Variants in CEP128 observed in about 807,000 individuals in gnomAD.
CEP128 encodes centrosomal protein 128kDa.
Under a neutral mutation model 156.7 loss-of-function variants are expected in CEP128, and 132 were observed. That is an observed-to-expected ratio of 0.84 (90% CI 0.73 to 0.97). The LOEUF is 0.97. CEP128 is among the 50% of genes least tolerant of loss of function. The probability of loss-of-function intolerance (pLI) is 0.00; values close to 1 mark genes in which losing one functional copy is unlikely to be tolerated. For missense variants in CEP128, 1,252 were observed against 1,281.9 expected (o/e 0.98, Z 0.36); for synonymous variants, 469 against 448.9 (o/e 1.04, Z -0.57).
At chr14:80,712,813 C>T (rs1324537260) in intron 19 of CEP128, among the ~76,000 whole-genome samples, 1 of 152,038 alleles carries the variant, frequency 6.6e-6, no homozygotes, top group Non-Finnish European at 1.5e-5. Context: ...TATGGTGAAA[C>T]GAGAAATAAC....
intron 16 of CEP128, among the ~76,000 whole-genome samples, chr14:80,769,002 C>T (rs1443052606): frequency 6.6e-6 from 1 of 152,102 alleles, no homozygotes; most frequent in Non-Finnish European, 1.5e-5. Context: ...TTACATATTT[C>T]TCTCAAGACA....
At chr14:80,484,495 G>C (rs1042665658) in intron 14 of CEP128, among the ~76,000 whole-genome samples, 3 of 152,184 alleles carry the variant, frequency 2.0e-5, no homozygotes, top group Non-Finnish European at 4.4e-5. Flanking sequence ...TAATTATTCT[G>C]TTGGTAAAAG....
chr14:80,681,359 G>C (rs552724103), intron 19 of CEP128, among the ~76,000 whole-genome samples: 1 of 152,140 alleles, frequency 6.6e-6, no homozygotes, highest in African/African-American at 2.4e-5. Flanking sequence ...TGAATGTAGC[G>C]ACACCACCAA....
chr14:80,728,241 C>G (rs1360237489), intron 19 of CEP128, among the ~76,000 whole-genome samples: 1 of 152,152 alleles, frequency 6.6e-6, no homozygotes, highest in Non-Finnish European at 1.5e-5. Flanking sequence ...CTAAATTATC[C>G]TAAGATAATT....
intron 19 of CEP128, among the ~76,000 whole-genome samples, chr14:80,706,547 T>A (rs1276066287): frequency 6.6e-6 from 1 of 152,130 alleles, no homozygotes; most frequent in Non-Finnish European, 1.5e-5. Flanking sequence ...GCCCTATTAG[T>A]AAGCTGTCAT....
At chr14:80,951,591 AAGG>A (rs1886466503) in intron 2 of CEP128, among the ~76,000 whole-genome samples, 1 of 152,152 alleles carries the variant, frequency 6.6e-6, no homozygotes. Context: ...TTTAAAATAA[AAGG>A]AGAATTGGAT....
In CEP128 at chr14:80,899,974, C is replaced by T. The variant is rs139613684; in HGVS notation, c.536G>A (p.Gly179Glu). 2.4e-5 allele frequency: 38 copies of T among 1,613,696 alleles called. No homozygotes were observed. Among genetic ancestry groups the T allele is most frequent in the Non-Finnish European group, 3.1e-5 (37 of 1,179,826 alleles). The change falls in exon 7 of 25, where the codon GGA (glycine) becomes GAA (glutamate). Residue 179 changes from glycine (G) to glutamate (E), a missense_variant. Transcript: ENST00000555265. ...GGAAAGCTCCCTGTTGAAATCATCT[C>T]CAAGGCGAATTTGTTCACTGCTGAG... ...RDLSSEQIRL[G>E]DDFNRELSRR...
intron 2 of CEP128, among the ~76,000 whole-genome samples, chr14:80,947,005 GA>G (rs1886361540): frequency 1.3e-5 from 2 of 152,274 alleles, no homozygotes; most frequent in South Asian, 4.1e-4. Flanking sequence ...TCTGCCATGT[GA>G]AAAAGGTGCT....
intron 6 of CEP128, among the ~76,000 whole-genome samples, chr14:80,903,680 A>G (rs1256742169): frequency 6.6e-6 from 1 of 152,072 alleles, no homozygotes; most frequent in East Asian, 1.9e-4. Flanking sequence ...TAAAATGGGC[A>G]GAGGACCTGA....
At chr14:80,681,556 G>C (rs773219058) in intron 19 of CEP128, among the ~76,000 whole-genome samples, 1 of 152,204 alleles carries the variant, frequency 6.6e-6, no homozygotes, top group Non-Finnish European at 1.5e-5. Context: ...GGAGGTAATT[G>C]AATCACGGGG....
chr14:80,787,858 A>G (rs1901493764), intron 14 of CEP128, among the ~76,000 whole-genome samples: 1 of 152,148 alleles, frequency 6.6e-6, no homozygotes. Flanking sequence ...AAAAGCAAAG[A>G]TATTTCTTTT....
At chr14:80,957,322 G>A (rs1047436232) in intron 2 of CEP128, among the ~76,000 whole-genome samples, 1 of 151,952 alleles carries the variant, frequency 6.6e-6, no homozygotes, top group Non-Finnish European at 1.5e-5. Context: ...CCTAACCCTA[G>A]CCCTTAGACA....
At chr14:80,834,111 G>A (rs978350554) in intron 12 of CEP128, among the ~76,000 whole-genome samples, 1 of 152,130 alleles carries the variant, frequency 6.6e-6, no homozygotes, top group Admixed American at 6.6e-5. Flanking sequence ...TCACCTCTAG[G>A]TGATAATTTT....
chr14:80,887,812 A>G (rs1451101278), intron 8 of CEP128, among the ~76,000 whole-genome samples: 2 of 152,178 alleles, frequency 1.3e-5, no homozygotes, highest in Non-Finnish European at 2.9e-5. Context: ...GACACAAAAA[A>G]ACCTTCGAAA....
chr14:80,803,505 C>T (rs936335939), intron 13 of CEP128, among the ~76,000 whole-genome samples: 1 of 152,100 alleles, frequency 6.6e-6, no homozygotes, highest in African/African-American at 2.4e-5. Flanking sequence ...CCCATGCCAG[C>T]CAATCCCGGA....
intron 19 of CEP128, among the ~76,000 whole-genome samples, chr14:80,663,717 C>T (rs938380289): frequency 1.3e-5 from 2 of 152,170 alleles, no homozygotes; most frequent in African/African-American, 4.8e-5. Flanking sequence ...GTTTCCCTAA[C>T]CCCCCTACAA....
At chr14:80,674,146 A>C (rs1895970937) in intron 19 of CEP128, among the ~76,000 whole-genome samples, 1 of 152,052 alleles carries the variant, frequency 6.6e-6, no homozygotes. Context: ...TTTTAATCTG[A>C]ATAACCGGGT....
intron 9 of CEP128, among the ~76,000 whole-genome samples, chr14:80,852,029 A>C (rs920594776): frequency 6.6e-6 from 1 of 152,018 alleles, no homozygotes; most frequent in African/African-American, 2.4e-5. Flanking sequence ...TGTACTAAGA[A>C]AACAGAAGAA....
intron 19 of CEP128, among the ~76,000 whole-genome samples, chr14:80,626,047 G>C (rs1407600372): frequency 6.6e-6 from 1 of 152,160 alleles, no homozygotes; most frequent in Non-Finnish European, 1.5e-5. Flanking sequence ...CTAATTCCTG[G>C]AATATGTGAA....
Sources: gnomAD v4.1 joint callset for allele counts (sites outside exome capture counted in the v4.1 genomes callset) on GRCh38, gnomAD v4.1.1 for gene constraint, MANE v1.5 for transcripts, NCBI Gene and HGNC (gene_info 2026-07-23, HGNC 2026-07-21) for gene names.